C2CD3: variants seen among roughly 807,000 people sequenced by gnomAD.
The protein encoded by C2CD3 is C2 domain-containing protein 3.
Under a neutral mutation model 234.0 loss-of-function variants are expected in C2CD3, and 148 were observed. The ratio of observed to expected loss-of-function variants is 0.63; its 90% CI spans 0.55 to 0.72. C2CD3 has a LOEUF of 0.72. Ranked by LOEUF, C2CD3 falls within the 30% of genes least tolerant of loss-of-function variation. C2CD3 has a pLI of 0.00. For synonymous variants in C2CD3, 1,000 were observed against 1,035.4 expected (o/e 0.97, Z 0.66); for missense variants, 2,577 against 2,811.5 (o/e 0.92, Z 1.89).
chr11:74,142,066 T>C (rs2135547313), intron 3 of C2CD3: 1 of 152,348 alleles, frequency 6.6e-6, no homozygotes, highest in South Asian at 2.1e-4. Context: ...TAGTATTTTG[T>C]AGAGGAAGTT....
chr11:74,044,892 CTT>C (rs551506968), intron 28 of C2CD3, among the ~76,000 whole-genome samples: 1 of 138,414 alleles, frequency 7.2e-6, no homozygotes. Context: ...TGATTTTGTT[CTT>C]TTTTTTTTTT....
At chr11:74,025,994 G>A (rs1196235270) in intron 32 of C2CD3, among the ~76,000 whole-genome samples, 1 of 152,168 alleles carries the variant, frequency 6.6e-6, no homozygotes, top group East Asian at 1.9e-4. Flanking sequence ...GGAAGGAGAT[G>A]AGCTGGTGAC....
At chr11:74,164,441 C>G (rs554647504) in intron 2 of C2CD3, among the ~76,000 whole-genome samples, 2 of 152,160 alleles carry the variant, frequency 1.3e-5, no homozygotes, top group Non-Finnish European at 2.9e-5. Context: ...CAGTATAATA[C>G]AATAGAAGTA....
At chr11:74,053,967 T>C (rs935707131) in intron 26 of C2CD3, among the ~76,000 whole-genome samples, 144 of 150,668 alleles carry the variant, frequency 9.6e-4, no homozygotes, top group African/African-American at 3.4e-3. Context: ...AGTGAGACCT[T>C]GTCTGTACAA....
chr11:74,070,817 T>C (rs1276989122), intron 24 of C2CD3: 4 of 152,222 alleles, frequency 2.6e-5, no homozygotes. Flanking sequence ...ATGACCTTTT[T>C]TTGGCCAATG....
chr11:74,138,869 G>T lies in C2CD3; in HGVS notation c.806C>A (p.Ser269Tyr). Residue 269 changes from serine to tyrosine, a missense_variant, in exon 5 of 33, where the codon TCT becomes TAT. Physicochemically the swap from Ser to Tyr is moderately radical, Grantham distance 144. Transcript: ENST00000334126. ...TGGAGCTCTGCCTTTCAGAGTTACA[G>T]ACTCTAAACTCTGTCCTGAATTAAG... is the stretch of plus-strand genomic sequence containing the variant. ...HSLNSGQSLE[S>Y]VTLKGRAPRK... The T allele has an allele frequency of 6.2e-7, 1 of 1,613,040 alleles. No individual in the cohort carries two copies. The highest frequency in any genetic ancestry group is 1.1e-5 in the South Asian group (1 of 91,040).
At chr11:74,069,097 C>T (rs1206561459) in intron 24 of C2CD3, among the ~76,000 whole-genome samples, 1 of 152,246 alleles carries the variant, frequency 6.6e-6, no homozygotes, top group Non-Finnish European at 1.5e-5. Flanking sequence ...TGCGTCCGGC[C>T]ATCCTCCAGT....
At chr11:74,167,949 C>T (rs1856912272) in intron 2 of C2CD3, 2 of 182,022 alleles carry the variant, frequency 1.1e-5, no homozygotes, top group Admixed American at 1.1e-4. Context: ...GTTGAGACTA[C>T]AGTTATTACC....
At chr11:74,103,725 T>A in intron 13 of C2CD3, 100 bp from the exon 14 acceptor site, 1 of 934,142 alleles carries the variant, frequency 1.1e-6, no homozygotes, top group Non-Finnish European at 1.6e-6. Flanking sequence ...GGAAATGAAT[T>A]AACTCATCCT....
At chr11:74,021,034 G>A (rs552913231) in intron 32 of C2CD3, among the ~76,000 whole-genome samples, 4 of 152,340 alleles carry the variant, frequency 2.6e-5, no homozygotes, top group Admixed American at 2.0e-4. Context: ...GCACATTTCT[G>A]TATATTTTAA....
intron 3 of C2CD3, among the ~76,000 whole-genome samples, chr11:74,146,350 G>A (rs543677875): frequency 2.6e-5 from 4 of 152,298 alleles, no homozygotes; most frequent in African/African-American, 9.6e-5. Flanking sequence ...GGTGAATTGA[G>A]TGAAAATGTT....
In C2CD3 at chr11:74,054,679, G is replaced by C. The variant is rs1310418171; in HGVS notation, c.5091-8C>G. On this transcript the variant is annotated splice_polypyrimidine_tract_variant and splice_region_variant and intron_variant, in intron 25 of 32. Coordinates refer to ENST00000334126, the MANE Select transcript of C2CD3 (RefSeq NM_001286577.2). ...AGCAGCTCTTTTGATAGCCTATTAA[G>C]AAAAACAACCACTGTAAACTAAATG... 6.2e-7 allele frequency: 1 copy of C among 1,601,824 alleles called. No individual in the cohort carries two copies. The highest frequency in any genetic ancestry group is 8.5e-7 in the Non-Finnish European group (1 of 1,171,538).
At chr11:74,122,835 T>C (rs1453158085) in intron 8 of C2CD3, among the ~76,000 whole-genome samples, 153 bp downstream of exon 8, 4 of 152,220 alleles carry the variant, frequency 2.6e-5, no homozygotes, top group Non-Finnish European at 4.4e-5. Flanking sequence ...TGTCTCAACA[T>C]CTGTAAAATG....
At chr11:74,090,326 C>A (rs1158052910) in intron 20 of C2CD3, among the ~76,000 whole-genome samples, 1 of 152,026 alleles carries the variant, frequency 6.6e-6, no homozygotes, top group Non-Finnish European at 1.5e-5. Flanking sequence ...GTCAGGAGTT[C>A]GAGATCAGCC....
intron 3 of C2CD3, among the ~76,000 whole-genome samples, chr11:74,152,852 T>C (rs908739415): frequency 6.6e-6 from 1 of 152,122 alleles, no homozygotes; most frequent in African/African-American, 2.4e-5. Flanking sequence ...CTCAGAAAAT[T>C]TGGGAAAAGT....
intron 32 of C2CD3, among the ~76,000 whole-genome samples, chr11:74,025,667 G>A (rs1216410220): frequency 1.3e-5 from 2 of 152,056 alleles, no homozygotes; most frequent in African/African-American, 4.8e-5. Flanking sequence ...CTTGTCTAAT[G>A]TCACACAGGG....
At chr11:74,014,424 C>T (rs183548818) in intron 32 of C2CD3, among the ~76,000 whole-genome samples, 1 of 152,322 alleles carries the variant, frequency 6.6e-6, no homozygotes, top group African/African-American at 2.4e-5. Context: ...ATTGAGAGCA[C>T]ACTGTACCAC....
chr11:74,106,926 G>A (rs1294611809), intron 12 of C2CD3, among the ~76,000 whole-genome samples: 1 of 152,208 alleles, frequency 6.6e-6, no homozygotes, highest in Non-Finnish European at 1.5e-5. Context: ...ATATAAACTG[G>A]CAATATGCTT....
At chr11:74,150,507 A>C (rs1164964678) in intron 3 of C2CD3, among the ~76,000 whole-genome samples, 1 of 77,040 alleles carries the variant, frequency 1.3e-5, no homozygotes, top group African/African-American at 4.9e-5. Flanking sequence ...AAAAAAAAAA[A>C]AAAAAAAACA....
Sources: gnomAD v4.1 joint callset for allele counts (sites outside exome capture counted in the v4.1 genomes callset) on GRCh38, gnomAD v4.1.1 for gene constraint, MANE v1.5 for transcripts, NCBI Gene and HGNC (gene_info 2026-07-23, HGNC 2026-07-21) for gene names.